STXBP6: variants seen among roughly 807,000 people sequenced by gnomAD.
The protein encoded by STXBP6 is syntaxin-binding protein 6.
Under a neutral mutation model 26.9 loss-of-function variants are expected in STXBP6, and 21 were observed. That is an observed-to-expected ratio of 0.78 (90% CI 0.55 to 1.12). The LOEUF is 1.12. Ranked by LOEUF, STXBP6 falls within the 50% of genes most tolerant of loss-of-function variation. The pLI is 0.00. For synonymous variants in STXBP6, 97 were observed against 92.6 expected, an observed-to-expected ratio of 1.05 and a Z score of -0.27; for missense variants, 232 against 257.9, an observed-to-expected ratio of 0.90 and a Z score of 0.69.
intron 2 of STXBP6, among the ~76,000 whole-genome samples, chr14:24,873,302 A>G (rs1333231276): frequency 6.6e-6 from 1 of 152,224 alleles, no homozygotes; most frequent in Non-Finnish European, 1.5e-5. Flanking sequence ...GATAAAAAAA[A>G]AAATTCAAGC....
chr14:24,922,621 G>A (rs549856977), intron 2 of STXBP6, among the ~76,000 whole-genome samples: 2 of 152,048 alleles, frequency 1.3e-5, no homozygotes, highest in Non-Finnish European at 2.9e-5. Flanking sequence ...CAGGGATGCT[G>A]TCCTTTCCAA....
At chr14:24,873,305 AT>A (rs750835832) in intron 2 of STXBP6, among the ~76,000 whole-genome samples, 1 of 150,290 alleles carries the variant, frequency 6.7e-6, no homozygotes, top group African/African-American at 2.4e-5. Context: ...AAAAAAAAAA[AT>A]TCAAGCAAGA....
chr14:25,031,903 C>A (rs928337857), intron 1 of STXBP6, among the ~76,000 whole-genome samples: 1 of 152,038 alleles, frequency 6.6e-6, no homozygotes, highest in Non-Finnish European at 1.5e-5. Flanking sequence ...CACTCTTGGA[C>A]CCCAACGAAG....
chr14:24,853,863 A>G (rs1485482149), intron 4 of STXBP6, among the ~76,000 whole-genome samples: 1 of 152,102 alleles, frequency 6.6e-6, no homozygotes, highest in Non-Finnish European at 1.5e-5. Flanking sequence ...GGCTGGCTCA[A>G]TGATGGACAG....
chr14:24,976,877 T>TTG (rs2074060589), intron 1 of STXBP6, among the ~76,000 whole-genome samples: 1 of 142,854 alleles, frequency 7.0e-6, no homozygotes, highest in Non-Finnish European at 1.5e-5. Context: ...TTTTTTTTTT[T>TTG]TTTGAGGCAG....
intron 1 of STXBP6, among the ~76,000 whole-genome samples, chr14:25,042,321 C>T (rs755255678): frequency 6.6e-5 from 10 of 152,176 alleles, no homozygotes; most frequent in African/African-American, 9.7e-5. Flanking sequence ...GCAAGCCAGC[C>T]GGGATTAGTG....
intron 2 of STXBP6, among the ~76,000 whole-genome samples, chr14:24,889,931 A>C (rs905386064): frequency 2.6e-5 from 4 of 152,246 alleles, no homozygotes; most frequent in African/African-American, 9.6e-5. Flanking sequence ...TGTACCAGAG[A>C]ACTAAGCCAC....
intron 2 of STXBP6, among the ~76,000 whole-genome samples, chr14:24,926,134 G>C (rs1254074748): frequency 6.6e-6 from 1 of 151,966 alleles, no homozygotes; most frequent in Non-Finnish European, 1.5e-5. Flanking sequence ...CTTTAAGCTT[G>C]TTTCTTTCTT....
chr14:24,838,863 ACTT>A (rs1397429314), intron 4 of STXBP6, among the ~76,000 whole-genome samples: 2 of 152,136 alleles, frequency 1.3e-5, no homozygotes, highest in African/African-American at 2.4e-5. Context: ...AATTCCTGCT[ACTT>A]CTTATCGATT....
intron 2 of STXBP6, among the ~76,000 whole-genome samples, chr14:24,944,290 A>C (rs547696675): frequency 6.6e-6 from 1 of 152,348 alleles, no homozygotes; most frequent in East Asian, 1.9e-4. Flanking sequence ...GAAAGCAGCA[A>C]GCTGGGCAGA....
chr14:25,021,881 C>A (rs184527861), intron 1 of STXBP6, among the ~76,000 whole-genome samples: 1 of 152,146 alleles, frequency 6.6e-6, no homozygotes, highest in African/African-American at 2.4e-5. Context: ...TCCCTCTCAA[C>A]GCTATTATAC....
intron 2 of STXBP6, among the ~76,000 whole-genome samples, chr14:24,908,612 C>A (rs2071463191): frequency 6.6e-6 from 1 of 152,100 alleles, no homozygotes; most frequent in South Asian, 2.1e-4. Context: ...ACATTTTGTG[C>A]TTTTTGTCCC....
chr14:24,912,171 G>A (rs12885474), intron 2 of STXBP6, among the ~76,000 whole-genome samples: 21,000 of 152,036 alleles, frequency 0.14, 1,533 homozygotes, highest in African/African-American at 0.18. Flanking sequence ...CAAGGAATTC[G>A]TAGAAGTAAA....
intron 1 of STXBP6, among the ~76,000 whole-genome samples, chr14:25,006,584 C>A (rs1371972939): frequency 5.3e-5 from 8 of 152,122 alleles, no homozygotes; most frequent in Admixed American, 5.2e-4. Context: ...CTGCTTCAAG[C>A]AAGGGAGATA....
At chr14:25,036,374 C>T (rs1480795560) in intron 1 of STXBP6, among the ~76,000 whole-genome samples, 1 of 152,088 alleles carries the variant, frequency 6.6e-6, no homozygotes, top group African/African-American at 2.4e-5. Context: ...TGGCCAAGCA[C>T]ATATGTCTTT....
intron 2 of STXBP6, among the ~76,000 whole-genome samples, chr14:24,926,258 T>C (rs2072164734): frequency 6.6e-6 from 1 of 152,044 alleles, no homozygotes; most frequent in African/African-American, 2.4e-5. Context: ...AGCAGAACGC[T>C]AGGGGAATTG....
At chr14:24,894,893 T>C (rs1241594) in intron 2 of STXBP6, among the ~76,000 whole-genome samples, 14 of 6,746 alleles carry the variant, frequency 2.1e-3, no homozygotes, top group Non-Finnish European at 2.9e-3. Flanking sequence ...CTCTCTCTCT[T>C]TTTTTTTTTT....
Position 24,861,591 on chromosome 14 carries a change from G to A in STXBP6, c.155-4434C>T, listed in dbSNP as rs1359268898. On this transcript the variant is annotated intron_variant, in intron 2 of 5. Transcript: ENST00000323944. ...AGAAACAAATATCAGGTCTGAGGCT[G>A]CTGCGCCAGCAATTCTATCAGCCAA... 3.3e-5 allele frequency among the ~76,000 whole-genome samples: 5 copies of A among 152,206 alleles called. No homozygotes were observed. The East Asian group carries it at 9.6e-4, about 29-fold the overall frequency.
intron 2 of STXBP6, among the ~76,000 whole-genome samples, chr14:24,908,548 C>T (rs1046343126): frequency 1.3e-5 from 2 of 152,222 alleles, no homozygotes; most frequent in South Asian, 2.1e-4. Context: ...TTCTTCTCCA[C>T]GTCCACTGTG....
Sources: allele counts gnomAD v4.1 joint callset (sites outside exome capture counted in the v4.1 genomes callset), GRCh38; gene constraint gnomAD v4.1.1; transcripts MANE v1.5; gene names NCBI Gene and HGNC (gene_info 2026-07-23, HGNC 2026-07-21).